The following UBE2Q2 variants were observed in gnomAD, a reference collection of about 807,000 sequenced individuals.
UBE2Q2 encodes the protein ubiquitin conjugating enzyme E2 Q2, also known as ubiquitin-conjugating enzyme E2 Q2.
A neutral mutation model predicts 59.9 loss-of-function variants in UBE2Q2; 54 were observed. That is an observed-to-expected ratio of 0.90 (90% CI 0.72 to 1.13). The LOEUF (loss-of-function observed/expected upper bound fraction) is 1.13. UBE2Q2 is among the 50% of genes most tolerant of loss of function. The pLI, the probability that UBE2Q2 is intolerant of heterozygous loss-of-function variation, is 0.00. For missense variants in UBE2Q2, 433 were observed against 441.9 expected, an observed-to-expected ratio of 0.98 and a Z score of 0.18; for synonymous variants, 165 against 155.2, an observed-to-expected ratio of 1.06 and a Z score of -0.47.
At chr15:75,844,283 C>T in intron 1 of UBE2Q2, 1 of 1,540,820 alleles carries the variant, frequency 6.5e-7, no homozygotes, top group Non-Finnish European at 8.8e-7. Flanking sequence ...CCTCATTTTT[C>T]AGTCGGATTT....
At chr15:75,886,933 A>T (rs1898810982) in intron 9 of UBE2Q2, among the ~76,000 whole-genome samples, 1 of 151,598 alleles carries the variant, frequency 6.6e-6, no homozygotes, top group Admixed American at 6.6e-5. Flanking sequence ...GCTTTTCAAC[A>T]TTTTATTGTA....
chr15:75,874,379 G>C (rs928123703), intron 5 of UBE2Q2, among the ~76,000 whole-genome samples: 3 of 151,478 alleles, frequency 2.0e-5, no homozygotes, highest in Non-Finnish European at 4.4e-5. Flanking sequence ...CACCTCCCAG[G>C]TTCAAGCAGT....
chr15:75,851,507 C>T (rs542564051), intron 1 of UBE2Q2, among the ~76,000 whole-genome samples: 6 of 151,786 alleles, frequency 4.0e-5, no homozygotes, highest in South Asian at 4.1e-4. Flanking sequence ...TCTTGGAAAA[C>T]GGTGGTGGAT....
rs1361736820 is a variant in UBE2Q2 at position 75,897,089 on chromosome 15, G to A, written c.1096+28G>A. The A allele has an allele frequency of 4.9e-6, 7 of 1,418,920 alleles. No individual in the cohort carries two copies. The Admixed American group carries it at 1.1e-4, about 22-fold the overall frequency. The allele number at this position is 1,418,920 out of a possible 1,614,324, so 87.9% of individuals were successfully genotyped here. A position where few individuals can be genotyped will look rare whatever the true frequency, so the allele number is the denominator to read the frequency against. ...ATGTTTAATTCAATAAGTGTTTATT[G>A]CCATTTAAGAAGTTTTAGATAATGT... On this transcript the variant is annotated intron_variant, in intron 12 of 12. Transcript: ENST00000267938.
chr15:75,844,414 G>A (rs1220381549), intron 1 of UBE2Q2: 3 of 1,551,496 alleles, frequency 1.9e-6, no homozygotes, highest in African/African-American at 2.7e-5. Context: ...CTGTTTGAGC[G>A]ACCCCTCTCC....
At chr15:75,850,934 A>G (rs1163351116) in intron 1 of UBE2Q2, among the ~76,000 whole-genome samples, 1 of 152,228 alleles carries the variant, frequency 6.6e-6, no homozygotes, top group Non-Finnish European at 1.5e-5. Flanking sequence ...AAAATTTTCT[A>G]AGCCAAAAAA....
intron 1 of UBE2Q2, among the ~76,000 whole-genome samples, chr15:75,849,280 T>C (rs1461479842): frequency 6.6e-6 from 1 of 152,194 alleles, no homozygotes. Flanking sequence ...ACTATGAAAG[T>C]AATGTGTCCC....
chr15:75,897,857 A>G lies in UBE2Q2; in HGVS notation c.1096+796A>G, dbSNP rs567373192. ...GTAAAGTATTCTTTACTTTGCTAGA[A>G]ATGTGTCAGTTTGTGACTTAAGATT... On this transcript the variant is annotated intron_variant, in intron 12 of 12. Coordinates refer to ENST00000267938, the MANE Select transcript of UBE2Q2 (RefSeq NM_173469.4). Among the ~76,000 whole-genome samples the G allele has an allele frequency of 1.8e-4, 27 of 152,128 alleles. No individual in the cohort carries two copies. In the South Asian group the frequency reaches 5.6e-3, roughly 32 times the overall value.
intron 5 of UBE2Q2, among the ~76,000 whole-genome samples, chr15:75,875,392 TTGA>T (rs1898021974): frequency 1.3e-5 from 2 of 152,340 alleles, no homozygotes; most frequent in Admixed American, 6.5e-5. Context: ...TGATAAGATA[TTGA>T]TGTGTTTTCA....
chr15:75,875,556 C>T (rs556832238), intron 5 of UBE2Q2, among the ~76,000 whole-genome samples: 32 of 152,120 alleles, frequency 2.1e-4, no homozygotes, highest in African/African-American at 7.7e-4. Context: ...TAATGTGTCA[C>T]CTTGAGTGTC....
chr15:75,873,588 T>C lies in UBE2Q2; in HGVS notation c.588+20T>C. ...TTAAATGTAAGTGTGTGTAGATATCTAGAACCTGGACTTTTGTGGTTAAAT... is the reference window on the plus strand; with the variant it reads ...TTAAATGTAAGTGTGTGTAGATATCCAGAACCTGGACTTTTGTGGTTAAAT... On this transcript the variant is annotated intron_variant, in intron 5 of 12. Transcript: ENST00000267938. 1.3e-6 allele frequency: 2 copies of C among 1,595,656 alleles called. No individual in the cohort carries two copies. The highest frequency in any genetic ancestry group is 1.7e-6 in the Non-Finnish European group (2 of 1,173,928).
chr15:75,896,808 G>C (rs1899450601), intron 11 of UBE2Q2, among the ~76,000 whole-genome samples, 187 bp from the exon 12 acceptor site: 1 of 152,090 alleles, frequency 6.6e-6, no homozygotes, highest in Non-Finnish European at 1.5e-5. Context: ...TTTTGGTTTT[G>C]TTATTTTTAT....
chr15:75,865,094 A>C (rs1384459756), intron 3 of UBE2Q2, among the ~76,000 whole-genome samples: 1 of 152,244 alleles, frequency 6.6e-6, no homozygotes. Context: ...CTTGGGAGCC[A>C]ACACCTAGCC....
Position 75,873,291 on chromosome 15 carries a change from T to G in UBE2Q2, c.448-137T>G, listed in dbSNP as rs1348451258. ...CTCTTGAATGGAATGTGGGGGCTTTTTCTCTCTCCCTATAGGATAGTTACA... is the reference window on the plus strand; with the variant it reads ...CTCTTGAATGGAATGTGGGGGCTTTGTCTCTCTCCCTATAGGATAGTTACA... On this transcript the variant is annotated intron_variant, in intron 4 of 12. Coordinates refer to ENST00000267938, the MANE Select transcript of UBE2Q2 (RefSeq NM_173469.4). 8.6e-6 allele frequency: 6 copies of G among 695,302 alleles called. No individual in the cohort carries two copies. The Admixed American group carries it at 1.5e-4, about 17-fold the overall frequency. 43.1% of individuals were successfully genotyped at this position (695,302 alleles called of 1,614,324 possible).
intron 3 of UBE2Q2, among the ~76,000 whole-genome samples, chr15:75,865,582 GA>G (rs948756996): frequency 3.0e-4 from 44 of 148,038 alleles, no homozygotes; most frequent in African/African-American, 7.7e-4. Context: ...AGTTATCTAG[GA>G]AAAAAAAAAC....
At chr15:75,844,100 C>G in intron 1 of UBE2Q2, 1 of 1,415,300 alleles carries the variant, frequency 7.1e-7, no homozygotes, top group Non-Finnish European at 9.2e-7. Context: ...CCATCTCGGT[C>G]CCCGTCTCCT....
chr15:75,865,566 C>T (rs1054563381), intron 3 of UBE2Q2, among the ~76,000 whole-genome samples: 4 of 152,018 alleles, frequency 2.6e-5, no homozygotes, highest in Non-Finnish European at 4.4e-5. Flanking sequence ...TCTTCTTTTA[C>T]TCAAGAGTTA....
At chr15:75,897,598 C>CT (rs759708761) in intron 12 of UBE2Q2, among the ~76,000 whole-genome samples, 7,199 of 135,482 alleles carry the variant, frequency 0.053, 323 homozygotes, top group African/African-American at 0.13. Context: ...ATCAAGATTT[C>CT]TTTTTTTTTT....
intron 2 of UBE2Q2, among the ~76,000 whole-genome samples, chr15:75,857,220 G>A (rs1896964419): frequency 1.3e-5 from 2 of 152,350 alleles, no homozygotes; most frequent in African/African-American, 2.4e-5. Context: ...CAGCAAGGGG[G>A]TTGATGGGAA....
Sources: allele counts gnomAD v4.1 joint callset (sites outside exome capture counted in the v4.1 genomes callset), GRCh38; gene constraint gnomAD v4.1.1; transcripts MANE v1.5; gene names NCBI Gene and HGNC (gene_info 2026-07-23, HGNC 2026-07-21).